Variants in PARP12 observed in about 807,000 individuals in gnomAD.
PARP12 encodes protein mono-ADP-ribosyltransferase PARP12.
Under a neutral mutation model 72.4 loss-of-function variants are expected in PARP12, and 59 were observed. The ratio of observed to expected loss-of-function variants is 0.81; its 90% CI spans 0.66 to 1.01. The LOEUF (loss-of-function observed/expected upper bound fraction) is 1.01. PARP12 is among the 50% of genes least tolerant of loss of function. The pLI is 0.00. For missense variants in PARP12, 851 were observed against 914.0 expected (o/e 0.93, Z 0.89); for synonymous variants, 403 against 371.4 (o/e 1.09, Z -0.98).
At chr7:140,038,639 T>G (rs936857899) in intron 6 of PARP12, among the ~76,000 whole-genome samples, 1 of 152,176 alleles carries the variant, frequency 6.6e-6, no homozygotes, top group African/African-American at 2.4e-5. Context: ...AATGTTACTA[T>G]TATCATCACC....
chr7:140,024,998 C>A, intron 11 of PARP12, 113 bp from the exon 12 acceptor site: 1 of 884,510 alleles, frequency 1.1e-6, no homozygotes, highest in East Asian at 2.6e-5. Flanking sequence ...ACTCTTCCAC[C>A]CCGCATCTCC....
In PARP12 at chr7:140,024,437, TTCATTGAGAGG is replaced by T; in HGVS notation, c.*112_*122del. The T allele has an allele frequency of 9.4e-7, 1 of 1,069,226 alleles. No individual in the cohort carries two copies. 66.2% of individuals were successfully genotyped at this position (1,069,226 alleles called of 1,614,324 possible). ...ATTAGCAAGAGATTAAGAACATAAC[TTCATTGAGAGG>T]TCAATGTTAAGAGAACAGTTCATTA... On this transcript the variant is annotated 3_prime_UTR_variant, in exon 12 of 12. Coordinates refer to ENST00000263549, the MANE Select transcript of PARP12 (RefSeq NM_022750.4).
rs1433140586 is a variant in PARP12, at chr7:140,046,788, A to C, written c.986+96T>G. 52 of 1,210,360 alleles carry C rather than the reference A, an allele frequency of 4.3e-5. No individual in the cohort carries two copies. The East Asian group carries it at 1.3e-3, about 31-fold the overall frequency. The allele number at this position is 1,210,360 out of a possible 1,614,324, so 75.0% of individuals were successfully genotyped here. A position where few individuals can be genotyped will look rare whatever the true frequency, so the allele number is the denominator to read the frequency against. On this transcript the variant is annotated intron_variant, in intron 5 of 11. Transcript: ENST00000263549. ...ACAGAAGCCCAGGCACCTCCAGACTAGGCTGCTCACAGTGTGTGTGTGTGT... is the reference window on the plus strand; with the variant it reads ...ACAGAAGCCCAGGCACCTCCAGACTCGGCTGCTCACAGTGTGTGTGTGTGT...
Position 140,062,943 on chromosome 7 carries a change from G to C in PARP12, c.-96C>G, listed in dbSNP as rs541172867. 6.2e-5 allele frequency: 65 copies of C among 1,053,466 alleles called. 1 individual carries two copies. The South Asian group carries it at 1.3e-3, about 21-fold the overall frequency. 65.3% of individuals were successfully genotyped at this position (1,053,466 alleles called of 1,614,324 possible). A position where few individuals can be genotyped will look rare whatever the true frequency, so the allele number is the denominator to read the frequency against. ...CGGCTCTCGCAGGGTGGAGACGCCG[G>C]CGGGAAACGAAACCGAAAGCGGCCC... On this transcript the variant is annotated 5_prime_UTR_variant, in exon 1 of 12. Transcript: ENST00000263549.
At chr7:140,035,202 G>C (rs916355362) in intron 7 of PARP12, among the ~76,000 whole-genome samples, 2 of 152,180 alleles carry the variant, frequency 1.3e-5, no homozygotes, top group African/African-American at 4.8e-5. Context: ...AGCTGAGATG[G>C]TCACTATTCC....
intron 5 of PARP12, among the ~76,000 whole-genome samples, chr7:140,042,794 T>C (rs1816541406): frequency 6.6e-6 from 1 of 152,216 alleles, no homozygotes; most frequent in Non-Finnish European, 1.5e-5. Context: ...AGTTTTAGAC[T>C]GATTCACATT....
intron 4 of PARP12, 33 bp downstream of exon 4, chr7:140,054,629 A>G (rs1280333537): frequency 2.0e-6 from 3 of 1,522,210 alleles, no homozygotes; most frequent in African/African-American, 1.4e-5. Context: ...TACCCCTCCC[A>G]CAAGTGGAAT....
intron 4 of PARP12, 94 bp downstream of exon 4, chr7:140,054,568 A>AGGTTTG: frequency 9.7e-7 from 1 of 1,035,654 alleles, no homozygotes; most frequent in South Asian, 1.4e-5. Context: ...GATGGGGTAG[A>AGGTTTG]GGTTTGGTAG....
chr7:140,054,119 G>T (rs1188353415), intron 4 of PARP12, among the ~76,000 whole-genome samples: 12 of 152,104 alleles, frequency 7.9e-5, no homozygotes, highest in African/African-American at 2.9e-4. Context: ...AGAAAACAAA[G>T]GTTTAGTGAA....
chr7:140,025,674 G>C, intron 11 of PARP12: 1 of 359,164 alleles, frequency 2.8e-6, no homozygotes, highest in Admixed American at 3.6e-5. Context: ...TACCCAAAGA[G>C]GTTTTTTTTA....
chr7:140,050,404 G>A (rs771166538), intron 4 of PARP12, among the ~76,000 whole-genome samples: 3 of 152,004 alleles, frequency 2.0e-5, no homozygotes, highest in African/African-American at 2.4e-5. Context: ...CAAATGAGAC[G>A]GCCACCAAAG....
chr7:140,032,417 T>A (rs752689637), intron 8 of PARP12, among the ~76,000 whole-genome samples: 1 of 151,898 alleles, frequency 6.6e-6, no homozygotes, highest in Non-Finnish European at 1.5e-5. Flanking sequence ...GCTCAAGCGA[T>A]CCTTCCATCT....
At position 140,029,303 on chromosome 7, in the gene PARP12, T is replaced by A. The variant is rs925320327; in HGVS notation, c.1422-615A>T. On this transcript the variant is annotated intron_variant, in intron 8 of 11. Coordinates refer to ENST00000263549, the MANE Select transcript of PARP12 (RefSeq NM_022750.4). ...GTCACGTGATACAAGCATCACATTA[T>A]CTTTCTAAAAATTAAATAAAAGCAG... is the stretch of plus-strand genomic sequence containing the variant. Among the ~76,000 whole-genome samples, 8 of 152,344 alleles carry A rather than the reference T, an allele frequency of 5.3e-5. No individual in the cohort carries two copies. In the East Asian group the frequency reaches 1.5e-3, roughly 29 times the overall value.
intron 6 of PARP12, 56 bp downstream of exon 6, chr7:140,041,588 C>T: frequency 6.5e-7 from 1 of 1,528,050 alleles, no homozygotes; most frequent in Non-Finnish European, 8.9e-7. Context: ...TCTTATTTGG[C>T]TCCTCTCTTA....
At chr7:140,041,560 T>C (rs1384407609) in intron 6 of PARP12, 84 bp downstream of exon 6, 3 of 1,390,246 alleles carry the variant, frequency 2.2e-6, no homozygotes, top group East Asian at 4.7e-5. Context: ...AGGATGCCCC[T>C]GGCAACAATA....
chr7:140,030,179 A>G (rs1815886366), intron 8 of PARP12, among the ~76,000 whole-genome samples: 2 of 152,218 alleles, frequency 1.3e-5, no homozygotes, highest in South Asian at 2.1e-4. Flanking sequence ...CCAACAGGCA[A>G]TTTCTCAAAA....
chr7:140,053,041 G>C (rs1207368923), intron 4 of PARP12, among the ~76,000 whole-genome samples: 1 of 152,068 alleles, frequency 6.6e-6, no homozygotes, highest in East Asian at 1.9e-4. Flanking sequence ...AAGACAGTTT[G>C]GCAGTTTCTT....
Position 140,024,904 on chromosome 7 carries a change from G to A in PARP12, c.1781-19C>T. The A allele has an allele frequency of 2.5e-6, 4 of 1,607,778 alleles. No homozygotes were observed. Among genetic ancestry groups the A allele is most frequent in the Non-Finnish European group, 3.4e-6 (4 of 1,175,528 alleles). Reference sequence around the variant, plus strand: ...TAGCTCCCTGAAATGACACACGAGGGCTCAGCTGGTGGAGGGGCCTGCAGC... The same window carrying A: ...TAGCTCCCTGAAATGACACACGAGGACTCAGCTGGTGGAGGGGCCTGCAGC... On this transcript the variant is annotated intron_variant, in intron 11 of 11. Coordinates refer to ENST00000263549, the MANE Select transcript of PARP12 (RefSeq NM_022750.4).
chr7:140,046,887 T>A lies in PARP12; in HGVS notation c.983A>T (p.Glu328Val). 1 of 1,613,576 alleles carries A rather than the reference T, an allele frequency of 6.2e-7. No homozygotes were observed. The highest frequency in any genetic ancestry group is 8.5e-7 in the Non-Finnish European group (1 of 1,179,816). The change falls in exon 5 of 12, where the codon GAA (glutamate) becomes GTA (valine). Residue 328 changes from glutamate to valine, a missense_variant. Around this residue, in one of 3 missense-constraint regions of PARP12, gnomAD observed 492 missense variants for 489.3 expected, o/e 1.01. Coordinates refer to ENST00000263549, the MANE Select transcript of PARP12 (RefSeq NM_022750.4). ...IEEAYCNPKI[E>V]RILCSESAST... ...AGACAAGGGACATATTTCCTACCTT[T>A]CTATTTTGGGATTGCAATATGCCTC...
Sources: allele counts gnomAD v4.1 joint callset (sites outside exome capture counted in the v4.1 genomes callset), GRCh38; gene constraint gnomAD v4.1.1; regional missense constraint gnomAD v4.1.1; transcripts MANE v1.5; gene names NCBI Gene and HGNC (gene_info 2026-07-23, HGNC 2026-07-21).